The following SYTL1 variants were observed in gnomAD, a reference collection of about 807,000 sequenced individuals.
The protein encoded by SYTL1 is synaptotagmin like 1.
Under a neutral mutation model 74.6 loss-of-function variants are expected in SYTL1, and 53 were observed. That is an observed-to-expected ratio of 0.71 (90% CI 0.57 to 0.89). The LOEUF (loss-of-function observed/expected upper bound fraction) is 0.89, where lower values mean the gene tolerates loss of function less well. SYTL1 is among the 40% of genes least tolerant of loss of function. The pLI is 0.00. For missense variants in SYTL1, 728 were observed against 768.7 expected (o/e 0.95, Z 0.63); for synonymous variants, 329 against 324.9 (o/e 1.01, Z -0.14).
In SYTL1 at chr1:27,349,801, G is replaced by C. The variant is rs746238667; in HGVS notation, c.747+36G>C. ...AGGGAGGGGACCCGGGCGGCCGGGG[G>C]GTGGACCCGTTCCGATGCGTAGCCC... On this transcript the variant is annotated intron_variant, in intron 8 of 14. Transcript: ENST00000616558. 3 of 1,562,490 alleles carry C rather than the reference G, an allele frequency of 1.9e-6. No individual in the cohort carries two copies. The East Asian group carries it at 7.1e-5, about 37-fold the overall frequency.
In SYTL1 at chr1:27,350,980, C is replaced by G. The variant is rs370069582; in HGVS notation, c.1164+28C>G. On this transcript the variant is annotated intron_variant, in intron 11 of 14. Coordinates refer to ENST00000616558, the MANE Select transcript of SYTL1 (RefSeq NM_001193308.2). The surrounding 1 kb of genome is among the most constrained non-coding windows in gnomAD (Gnocchi z 6.3). ...GAGGCAGCCAGGCCGCGTGGGGAGA[C>G]CTGCGGCCCGGGTCTCCTGCATTTA... The G allele has an allele frequency of 6.8e-6, 11 of 1,610,978 alleles. No individual in the cohort carries two copies. In the African/African-American group the frequency reaches 1.2e-4, roughly 18 times the overall value.
In SYTL1 at chr1:27,350,253, G is replaced by C. The variant is rs764723262; in HGVS notation, c.908+121G>C. On this transcript the variant is annotated intron_variant, in intron 9 of 14. Coordinates refer to ENST00000616558, the MANE Select transcript of SYTL1 (RefSeq NM_001193308.2). The surrounding 1 kb of genome is among the most constrained non-coding windows in gnomAD (Gnocchi z 6.3). ...ACAACAGCGTTATTGGGAGGCGTGC[G>C]ATTAAGCGAGACAATCCCTGTAAAG... 9.4e-6 allele frequency: 14 copies of C among 1,483,768 alleles called. No homozygotes were observed. The highest frequency in any genetic ancestry group is 8.4e-6 in the Non-Finnish European group (9 of 1,069,334). 91.9% of individuals were successfully genotyped at this position (1,483,768 alleles called of 1,614,324 possible).
chr1:27,350,327 C>T lies in SYTL1; in HGVS notation c.909-62C>T. On this transcript the variant is annotated intron_variant, in intron 9 of 14. Transcript: ENST00000616558. This position sits in a 1 kb window ranked among gnomAD's most constrained non-coding sequence, Gnocchi z 6.3. ...TGTTCGGGATGGTGGCTGGGGGAGC[C>T]CACAGGCAGGGGAGAAGGCTCTGGG... The T allele has an allele frequency of 6.5e-7, 1 of 1,539,624 alleles. No homozygotes were observed. Among genetic ancestry groups the T allele is most frequent in the Non-Finnish European group, 9.0e-7 (1 of 1,112,152 alleles).
rs199814574 is a variant in SYTL1, at chr1:27,353,488, G to A, written c.1549G>A (p.Gly517Ser). ...GGGCACACGCCTCAGCCTGGGCACC[G>A]GTAAGTGGGACAGCACCCTGAGACA... Reference protein sequence around the residue: ...LGGTRLSLGTGSSYGLQVPWM... With the variant: ...LGGTRLSLGTSSSYGLQVPWM... Residue 517 changes from glycine to serine, a missense_variant and splice_region_variant, in exon 14 of 15, where the codon GGC becomes AGC. By Grantham distance (56) the Gly-to-Ser change is moderately conservative. Transcript: ENST00000616558. The A allele has an allele frequency of 1.6e-5, 25 of 1,594,660 alleles. No homozygotes were observed. Among genetic ancestry groups the A allele is most frequent in the African/African-American group, 5.3e-5 (4 of 74,826 alleles).
Position 27,353,858 on chromosome 1 carries a change from C to T in SYTL1, c.*6C>T. The T allele has an allele frequency of 6.2e-7, 1 of 1,611,340 alleles. No individual in the cohort carries two copies. Among genetic ancestry groups the T allele is most frequent in the Non-Finnish European group, 8.5e-7 (1 of 1,177,910 alleles). ...ACCTGGCCCCCAGGACGTAGCCCCA[C>T]CAAGCCTCTCTCTCTGGACCCCCAT... On this transcript the variant is annotated 3_prime_UTR_variant, in exon 15 of 15. Coordinates refer to ENST00000616558, the MANE Select transcript of SYTL1 (RefSeq NM_001193308.2).
At position 27,345,264 on chromosome 1, in the gene SYTL1, C is replaced by T. The variant is rs2014946028; in HGVS notation, c.-38-33C>T. 8.3e-7 allele frequency: 1 copy of T among 1,197,830 alleles called. No homozygotes were observed. Among genetic ancestry groups the T allele is most frequent in the Non-Finnish European group, 1.1e-6 (1 of 881,106 alleles). The allele number at this position is 1,197,830 out of a possible 1,614,324, so 74.2% of individuals were successfully genotyped here. On this transcript the variant is annotated intron_variant, in intron 1 of 14. Transcript: ENST00000616558. The surrounding 1 kb of genome is among the most constrained non-coding windows in gnomAD (Gnocchi z 6.0). ...TTCTAGGATGTGCCAAGCATTTGTGCAGGGCTTGACCTGACCCTCGGTCTG... is the reference window on the plus strand; with the variant it reads ...TTCTAGGATGTGCCAAGCATTTGTGTAGGGCTTGACCTGACCCTCGGTCTG...
chr1:27,350,915 G>A lies in SYTL1; in HGVS notation c.1127G>A (p.Trp376Ter). ...EVEVPLDTWD[W>*]GSEPTWLPLQ... ...GAAGTGCCCCTGGACACGTGGGACT[G>A]GGGCTCTGAGCCCACCTGGCTCCCC... Residue 376 changes from tryptophan (W) to a stop codon, truncating the protein, a stop_gained, in exon 11 of 15, where the codon TGG (tryptophan) becomes TAG (stop). Coordinates refer to ENST00000616558, the MANE Select transcript of SYTL1 (RefSeq NM_001193308.2). LOFTEE classifies it high-confidence loss of function. The surrounding 1 kb of genome is among the most constrained non-coding windows in gnomAD (Gnocchi z 6.3). 3 of 1,613,522 alleles carry A rather than the reference G, an allele frequency of 1.9e-6. No homozygotes were observed. The highest frequency in any genetic ancestry group is 2.5e-6 in the Non-Finnish European group (3 of 1,179,964).
chr1:27,350,823 C>A lies in SYTL1; in HGVS notation c.1035C>A (p.Gly345=), dbSNP rs756100493. Residue 345 remains glycine, a synonymous_variant, in exon 11 of 15, where the codon GGC becomes GGA. Coordinates refer to ENST00000616558, the MANE Select transcript of SYTL1 (RefSeq NM_001193308.2). This position sits in a 1 kb window ranked among gnomAD's most constrained non-coding sequence, Gnocchi z 6.3. ...RYSVPQAELQ[G]RVLSLSVWHR... ...CCGTCCCGCAGGCCGAGCTTCAGGGCCGCGTGCTGAGCCTGTCTGTGTGGC... is the reference window on the plus strand; with the variant it reads ...CCGTCCCGCAGGCCGAGCTTCAGGGACGCGTGCTGAGCCTGTCTGTGTGGC... 6.2e-7 allele frequency: 1 copy of A among 1,613,834 alleles called. No individual in the cohort carries two copies.
rs185637273 is a variant in SYTL1, at chr1:27,343,639, T to A, written c.-39+1489T>A. On this transcript the variant is annotated intron_variant, in intron 1 of 14. Transcript: ENST00000616558. This position sits in a 1 kb window ranked among gnomAD's most constrained non-coding sequence, Gnocchi z 5.2. ...GTGTGTATCTGTCTGTCTAGGTGGG[T>A]GGTTGTATGTGTGCATTCCCATGTG... Among the ~76,000 whole-genome samples the A allele has an allele frequency of 2.3e-4, 35 of 152,040 alleles. No homozygotes were observed. Among genetic ancestry groups the A allele is most frequent in the African/African-American group, 8.0e-4 (33 of 41,470 alleles).
intron 13 of SYTL1, chr1:27,352,766 G>C (rs2015328480): frequency 6.4e-6 from 1 of 156,230 alleles, no homozygotes; most frequent in Non-Finnish European, 1.4e-5. Flanking sequence ...TGGGATTACA[G>C]GCATGAGCCA....
chr1:27,346,495 G>A (rs2148030666), intron 2 of SYTL1, among the ~76,000 whole-genome samples: 1 of 152,328 alleles, frequency 6.6e-6, no homozygotes, highest in South Asian at 2.1e-4. Flanking sequence ...CAGAGATAGT[G>A]GCAACGCCTG....
At chr1:27,349,586 C>A (rs2015154768) in intron 7 of SYTL1, 66 bp from the exon 8 acceptor site, 1 of 1,523,428 alleles carries the variant, frequency 6.6e-7, no homozygotes, top group Admixed American at 2.1e-5. Flanking sequence ...GAGCCGCCCG[C>A]GACCCAGGGC....
Position 27,350,330 on chromosome 1 carries a change from C to A in SYTL1, c.909-59C>A, listed in dbSNP as rs1178376289. On this transcript the variant is annotated intron_variant, in intron 9 of 14. Transcript: ENST00000616558. The surrounding 1 kb of genome is among the most constrained non-coding windows in gnomAD (Gnocchi z 6.3). ...TCGGGATGGTGGCTGGGGGAGCCCA[C>A]AGGCAGGGGAGAAGGCTCTGGGAGG... 6.5e-7 allele frequency: 1 copy of A among 1,543,668 alleles called. No individual in the cohort carries two copies. Among genetic ancestry groups the A allele is most frequent in the East Asian group, 2.2e-5 (1 of 44,500 alleles).
chr1:27,343,838 C>A lies in SYTL1; in HGVS notation c.-38-1459C>A, dbSNP rs920548437. On this transcript the variant is annotated intron_variant, in intron 1 of 14. Transcript: ENST00000616558. This position sits in a 1 kb window ranked among gnomAD's most constrained non-coding sequence, Gnocchi z 5.2. ...GTATGATTTTTATGTACATCTTTATCGAGGGACATATTTGTCCCCAGACTT... is the reference window on the plus strand; with the variant it reads ...GTATGATTTTTATGTACATCTTTATAGAGGGACATATTTGTCCCCAGACTT... Among the ~76,000 whole-genome samples the A allele has an allele frequency of 2.4e-4, 36 of 152,258 alleles. No homozygotes were observed. The highest frequency in any genetic ancestry group is 2.1e-4 in the South Asian group (1 of 4,826).
In SYTL1 at chr1:27,348,783, T is replaced by TA. The variant is rs779186971; in HGVS notation, c.460-290dup. Among the ~76,000 whole-genome samples, 1 of 151,232 alleles carries TA rather than the reference T, an allele frequency of 6.6e-6. No homozygotes were observed. Among genetic ancestry groups the TA allele is most frequent in the African/African-American group, 2.4e-5 (1 of 41,126 alleles). The stretch of plus-strand genomic sequence containing the variant: ...AATGGGTCAATATAAAAAATAAAAA[T>TA]AAAAAAAGGAGTGAGAAAGGAATGG... On this transcript the variant is annotated intron_variant, in intron 5 of 14. Coordinates refer to ENST00000616558, the MANE Select transcript of SYTL1 (RefSeq NM_001193308.2). This position sits in a 1 kb window ranked among gnomAD's most constrained non-coding sequence, Gnocchi z 4.1.
Position 27,351,362 on chromosome 1 carries a change from C to T in SYTL1, c.1243+26C>T. ...GTGAGTGACAGCCGGAGAGGCCAAG[C>T]TGGACACGCCCTGAAAAGCGGGAGA... On this transcript the variant is annotated intron_variant, in intron 12 of 14. Coordinates refer to ENST00000616558, the MANE Select transcript of SYTL1 (RefSeq NM_001193308.2). This position sits in a 1 kb window ranked among gnomAD's most constrained non-coding sequence, Gnocchi z 5.0. The T allele has an allele frequency of 6.6e-7, 1 of 1,526,304 alleles. No homozygotes were observed. 94.5% of individuals were successfully genotyped at this position (1,526,304 alleles called of 1,614,324 possible).
rs1194960673 is a variant in SYTL1, at chr1:27,348,266, T to G, written c.459+254T>G. 6.6e-6 allele frequency among the ~76,000 whole-genome samples: 1 copy of G among 151,960 alleles called. No homozygotes were observed. The highest frequency in any genetic ancestry group is 2.4e-5 in the African/African-American group (1 of 41,368). On this transcript the variant is annotated intron_variant, in intron 5 of 14. Coordinates refer to ENST00000616558, the MANE Select transcript of SYTL1 (RefSeq NM_001193308.2). The surrounding 1 kb of genome is among the most constrained non-coding windows in gnomAD (Gnocchi z 4.1). ...CCCAGCCTCTAAGGGAACTTCTGAA[T>G]CTGGCTATTAAGGGGTGAAGTGGGG...
intron 8 of SYTL1, 33 bp from the exon 9 acceptor site, chr1:27,349,939 G>A (rs2015180486): frequency 6.4e-7 from 1 of 1,564,824 alleles, no homozygotes; most frequent in Non-Finnish European, 8.6e-7. Context: ...AGCCCTGCGA[G>A]CGGCCCTGAC....
chr1:27,344,669 G>A (rs1259157862), intron 1 of SYTL1, among the ~76,000 whole-genome samples: 1 of 150,658 alleles, frequency 6.6e-6, no homozygotes, highest in Admixed American at 6.6e-5. Flanking sequence ...GGCCAACATG[G>A]TCAAACCCCG....
Sources: gnomAD v4.1 joint callset for allele counts (sites outside exome capture counted in the v4.1 genomes callset) on GRCh38, gnomAD v4.1.1 for gene constraint, Gnocchi (gnomAD v3.1) non-coding constraint, MANE v1.5 for transcripts, NCBI Gene and HGNC (gene_info 2026-07-23, HGNC 2026-07-21) for gene names.